The following YJEFN3 variants were observed in gnomAD, a reference collection of about 807,000 sequenced individuals.
YJEFN3 encodes the protein yjeF N-terminal domain-containing protein 3.
In YJEFN3, 29 loss-of-function variants were observed where a neutral mutation model predicts 31.5. The observed-to-expected ratio is 0.92, with a 90% confidence interval of 0.69 to 1.26. The LOEUF is 1.26. Among genes scored for constraint, YJEFN3 ranks in the 50% most tolerant of loss-of-function variants. YJEFN3 has a pLI of 0.00. For missense variants in YJEFN3, 442 were observed against 425.4 expected, an observed-to-expected ratio of 1.04 and a Z score of -0.34; for synonymous variants, 227 against 196.1, an observed-to-expected ratio of 1.16 and a Z score of -1.32.
rs1295978666 is a variant in YJEFN3 at position 19,537,535 on chromosome 19, CGG to C, written c.*12_*13del. On this transcript the variant is annotated 3_prime_UTR_variant, in exon 7 of 7. Transcript: ENST00000514277. Reference sequence around the variant, plus strand: ...GTCGCGGCACTGTGACCGCCACCCGCGGCCACACCGCAGGGACCCTCGCCAAT... The same window carrying C: ...GTCGCGGCACTGTGACCGCCACCCGCCCACACCGCAGGGACCCTCGCCAAT... 3.9e-6 allele frequency: 6 copies of C among 1,541,720 alleles called. No individual in the cohort carries two copies. The African/African-American group carries it at 8.1e-5, about 21-fold the overall frequency.
At chr19:19,530,425 C>A (rs2061143992) in intron 2 of YJEFN3, among the ~76,000 whole-genome samples, 1 of 130,912 alleles carries the variant, frequency 7.6e-6, no homozygotes, top group African/African-American at 2.8e-5. Context: ...AGGTTCCTAA[C>A]CTGGACGACC....
chr19:19,535,822 A>C, intron 6 of YJEFN3, 143 bp downstream of exon 6: 1 of 1,123,794 alleles, frequency 8.9e-7, no homozygotes, highest in Non-Finnish European at 1.3e-6. Flanking sequence ...GCTAAGGGTC[A>C]CACCCATCCC....
At position 19,535,456 on chromosome 19, in the gene YJEFN3, C is replaced by G. The variant is rs781518823; in HGVS notation, c.543+6C>G. ...TGAGCTACCTGCCCACTGAGGTCAG[C>G]GCTGGGTGGCAAGCAAGGGGGACAT... On this transcript the variant is annotated splice_donor_region_variant and intron_variant, in intron 5 of 6. Coordinates refer to ENST00000514277, the MANE Select transcript of YJEFN3 (RefSeq NM_198537.4). 1 of 1,613,722 alleles carries G rather than the reference C, an allele frequency of 6.2e-7. No homozygotes were observed. Among genetic ancestry groups the G allele is most frequent in the African/African-American group, 1.3e-5 (1 of 74,932 alleles).
intron 2 of YJEFN3, among the ~76,000 whole-genome samples, chr19:19,532,030 G>A (rs1183568341): frequency 6.6e-6 from 1 of 151,972 alleles, no homozygotes; most frequent in African/African-American, 2.4e-5. Flanking sequence ...GTGAGGCACC[G>A]CGCCCGGCCT....
rs2061196629 is a variant in YJEFN3 at position 19,535,266 on chromosome 19, C to G, written c.430-71C>G. 11 of 1,538,138 alleles carry G rather than the reference C, an allele frequency of 7.2e-6. No homozygotes were observed. In the East Asian group the frequency reaches 2.5e-4, roughly 35 times the overall value. The stretch of plus-strand genomic sequence containing the variant: ...GCCAGGTTATAGAATATGCCCAGTG[C>G]TTGTCCCAGGCAGGGTCTGGTGCTG... On this transcript the variant is annotated intron_variant, in intron 4 of 6. Transcript: ENST00000514277.
intron 6 of YJEFN3, 75 bp downstream of exon 6, chr19:19,535,754 G>T: frequency 6.6e-7 from 1 of 1,514,194 alleles, no homozygotes; most frequent in Non-Finnish European, 8.9e-7. Flanking sequence ...GCTCCTGGTC[G>T]CCCCTGCCTG....
Position 19,534,173 on chromosome 19 carries a change from C to T in YJEFN3, c.319-861C>T. 1 of 985,440 alleles carries T rather than the reference C, an allele frequency of 1.0e-6. No individual in the cohort carries two copies. The highest frequency in any genetic ancestry group is 1.2e-6 in the Non-Finnish European group (1 of 829,968). 61.0% of individuals were successfully genotyped at this position (985,440 alleles called of 1,614,324 possible). A position where few individuals can be genotyped will look rare whatever the true frequency, so the allele number is the denominator to read the frequency against. ...GCCAAAATGCCTGGAGAGACAGAGT[C>T]TGAGAGATACAGAGATGGCCAGAGA... On this transcript the variant is annotated intron_variant, in intron 3 of 6. Transcript: ENST00000514277. This position sits in a 1 kb window ranked among gnomAD's most constrained non-coding sequence, Gnocchi z 4.6.
rs370349413 is a variant in YJEFN3 at position 19,537,327 on chromosome 19, G to T, written c.703G>T (p.Ala235Ser). The T allele has an allele frequency of 6.3e-6, 10 of 1,591,686 alleles. No homozygotes were observed. The highest frequency in any genetic ancestry group is 8.5e-6 in the Non-Finnish European group (10 of 1,175,198). ...VSLDIPSGWD[A>S]ETGSDSEDGL... ...GGACCCTCCTCCCTCAGGCTGGGACGCAGAGACCGGCAGCGATTCGGAGGA... is the reference window on the plus strand; with the variant it reads ...GGACCCTCCTCCCTCAGGCTGGGACTCAGAGACCGGCAGCGATTCGGAGGA... Residue 235 changes from alanine (A) to serine (S), a missense_variant, in exon 7 of 7, where the codon GCA (alanine) becomes TCA (serine). By Grantham distance (99) the Ala-to-Ser change is moderately conservative. Transcript: ENST00000514277.
rs371964947 is a variant in YJEFN3 at position 19,528,974 on chromosome 19, A to G, written c.42A>G (p.Glu14=). 9.3e-5 allele frequency: 144 copies of G among 1,550,420 alleles called. No homozygotes were observed. Among genetic ancestry groups the G allele is most frequent in the Admixed American group, 6.3e-4 (32 of 50,968 alleles). The part of the protein sequence containing the change: ...AAGPDPSEAP[E]ERHFLRALEL... ...GCCCAGACCCGTCGGAGGCGCCCGA[A>G]GAGCGGCATTTCCTCAGGTCAGCTG... is the stretch of plus-strand genomic sequence containing the variant. The change falls in exon 1 of 7, where the codon GAA becomes GAG. Residue 14 remains glutamate (E), a synonymous_variant. Transcript: ENST00000514277.
rs572658667 is a variant in YJEFN3 at position 19,531,957 on chromosome 19, C to T, written c.210-675C>T. Among the ~76,000 whole-genome samples the T allele has an allele frequency of 3.9e-5, 6 of 151,928 alleles. No homozygotes were observed. The South Asian group carries it at 1.2e-3, about 32-fold the overall frequency. On this transcript the variant is annotated intron_variant, in intron 2 of 6. Transcript: ENST00000514277. ...GTTTCACCATGTTGGGCAGGCTGGT[C>T]TGGAACTCCTGACCTCAAGTGATCC...
At chr19:19,529,230 G>A (rs1380943030) in intron 1 of YJEFN3, 134 bp from the exon 2 acceptor site, 2 of 1,449,606 alleles carry the variant, frequency 1.4e-6, no homozygotes, top group Non-Finnish European at 1.8e-6. Context: ...GCATCTTGCT[G>A]GAGACACTAA....
At chr19:19,535,821 C>A in intron 6 of YJEFN3, 142 bp downstream of exon 6, 1 of 1,119,558 alleles carries the variant, frequency 8.9e-7, no homozygotes, top group Non-Finnish European at 1.3e-6. Context: ...GGCTAAGGGT[C>A]ACACCCATCC....
Position 19,535,606 on chromosome 19 carries a change from G to A in YJEFN3, c.621G>A (p.Gly207=), listed in dbSNP as rs2061201467. 2 of 1,585,666 alleles carry A rather than the reference G, an allele frequency of 1.3e-6. No individual in the cohort carries two copies. Among genetic ancestry groups the A allele is most frequent in the African/African-American group, 2.7e-5 (2 of 73,974 alleles). ...LGPGVEPGEV[G]GPCTRALATL... is the part of the protein sequence containing the mutation. ...CCGGCGTGGAGCCGGGCGAGGTCGG[G>A]GGCCCCTGCACCCGCGCGCTGGCCA... is the stretch of plus-strand genomic sequence containing the variant. The change falls in exon 6 of 7, where the codon GGG becomes GGA. Residue 207 remains glycine, a synonymous_variant. Coordinates refer to ENST00000514277, the MANE Select transcript of YJEFN3 (RefSeq NM_198537.4).
At chr19:19,529,182 G>C (rs1873821290) in intron 1 of YJEFN3, 182 bp from the exon 2 acceptor site, 2 of 1,451,260 alleles carry the variant, frequency 1.4e-6, no homozygotes, top group African/African-American at 2.9e-5. Flanking sequence ...ATATGGCCAA[G>C]ACGGGCCTGG....
At chr19:19,535,821 C>T (rs1316376430) in intron 6 of YJEFN3, 142 bp downstream of exon 6, 1 of 1,119,438 alleles carries the variant, frequency 8.9e-7, no homozygotes, top group Non-Finnish European at 1.3e-6. Flanking sequence ...GGCTAAGGGT[C>T]ACACCCATCC....
At chr19:19,532,525 G>A in intron 2 of YJEFN3, 107 bp from the exon 3 acceptor site, 1 of 688,310 alleles carries the variant, frequency 1.5e-6, no homozygotes, top group Non-Finnish European at 2.3e-6. Flanking sequence ...TACGGGGTGG[G>A]AGGGTGGCAT....
In YJEFN3 at chr19:19,537,437, C is replaced by G. The variant is rs780910624; in HGVS notation, c.813C>G (p.Ala271=). The G allele has an allele frequency of 7.6e-6, 12 of 1,588,584 alleles. No homozygotes were observed. In the South Asian group the frequency reaches 1.3e-4, roughly 18 times the overall value. ...GRFSGRHHFV[A]GRFVPDDVRR... Reference sequence around the variant, plus strand: ...TCTCCGGGCGCCACCACTTCGTGGCCGGCAGGTTCGTGCCCGATGACGTGC... The same window carrying G: ...TCTCCGGGCGCCACCACTTCGTGGCGGGCAGGTTCGTGCCCGATGACGTGC... Residue 271 remains alanine (A), a synonymous_variant, in exon 7 of 7, where the codon GCC becomes GCG. Transcript: ENST00000514277.
chr19:19,529,134 G>C (rs2061128378), intron 1 of YJEFN3, 143 bp downstream of exon 1: 2 of 1,471,646 alleles, frequency 1.4e-6, no homozygotes, highest in Non-Finnish European at 1.8e-6. Flanking sequence ...GAGGTTCAAC[G>C]GCAGAGGCAT....
intron 2 of YJEFN3, among the ~76,000 whole-genome samples, chr19:19,532,144 C>T (rs969971715): frequency 6.6e-6 from 1 of 152,246 alleles, no homozygotes; most frequent in African/African-American, 2.4e-5. Context: ...CCATCAAACA[C>T]TGCAGCCTTA....
Sources: allele counts gnomAD v4.1 joint callset (sites outside exome capture counted in the v4.1 genomes callset), GRCh38; gene constraint gnomAD v4.1.1; non-coding constraint Gnocchi (gnomAD v3.1); transcripts MANE v1.5; gene names NCBI Gene and HGNC (gene_info 2026-07-23, HGNC 2026-07-21).